ZNF385D: variants seen among roughly 807,000 people sequenced by gnomAD.
The protein encoded by ZNF385D is zinc finger protein 385D, also known as zinc finger protein 659.
ZNF385D carries 15 observed loss-of-function variants against 35.8 expected under a neutral mutation model. The ratio of observed to expected loss-of-function variants is 0.42; its 90% CI spans 0.28 to 0.64. The LOEUF is 0.64. ZNF385D is among the 30% of genes least tolerant of loss of function. The pLI, the probability that ZNF385D is intolerant of heterozygous loss-of-function variation, is 0.23. For missense variants in ZNF385D, 474 were observed against 494.6 expected (o/e 0.96, Z 0.39); for synonymous variants, 212 against 186.8 (o/e 1.13, Z -1.10).
chr3:21,892,208 T>A (rs181077976), intron 3 of ZNF385D, among the ~76,000 whole-genome samples: 12 of 152,160 alleles, frequency 7.9e-5, no homozygotes, highest in Non-Finnish European at 1.5e-4. Flanking sequence ...GATGGAAAAA[T>A]TTGAATATAT....
At chr3:22,108,283 G>A (rs186114501) in intron 3 of ZNF385D, among the ~76,000 whole-genome samples, 1 of 151,948 alleles carries the variant, frequency 6.6e-6, no homozygotes, top group African/African-American at 2.4e-5. Context: ...CACAATTTTG[G>A]TCAGAACATC....
chr3:21,454,234 T>C (rs1343632213), intron 4 of ZNF385D, among the ~76,000 whole-genome samples: 1 of 152,102 alleles, frequency 6.6e-6, no homozygotes, highest in Non-Finnish European at 1.5e-5. Flanking sequence ...AAGGTTTCTT[T>C]TCACAGTGCT....
chr3:21,842,976 T>C (rs1235218022), intron 3 of ZNF385D, among the ~76,000 whole-genome samples: 1 of 152,046 alleles, frequency 6.6e-6, no homozygotes, highest in Non-Finnish European at 1.5e-5. Context: ...GAATGCTTGG[T>C]CCTTATTTGA....
At chr3:22,191,550 A>C (rs1279328256) in intron 2 of ZNF385D, among the ~76,000 whole-genome samples, 1 of 152,138 alleles carries the variant, frequency 6.6e-6, no homozygotes, top group African/African-American at 2.4e-5. Flanking sequence ...TTACTAGAGC[A>C]TATTCTTCTT....
intron 3 of ZNF385D, among the ~76,000 whole-genome samples, chr3:21,999,556 C>G (rs2125411571): frequency 6.6e-6 from 1 of 152,194 alleles, no homozygotes; most frequent in South Asian, 2.1e-4. Context: ...TGAGAAGAAT[C>G]TATGGTCAGA....
intron 3 of ZNF385D, among the ~76,000 whole-genome samples, chr3:22,032,039 A>G (rs1231163840): frequency 6.6e-6 from 1 of 152,238 alleles, no homozygotes; most frequent in African/African-American, 2.4e-5. Context: ...AAGCATAGCA[A>G]GAGTGACCTT....
At chr3:22,290,717 T>A (rs556153981) in intron 2 of ZNF385D, among the ~76,000 whole-genome samples, 2 of 152,212 alleles carry the variant, frequency 1.3e-5, no homozygotes, top group South Asian at 4.1e-4. Context: ...CAAACAAAAA[T>A]CCAACGTGTA....
chr3:21,575,855 T>C (rs931190289), intron 2 of ZNF385D, among the ~76,000 whole-genome samples: 2 of 152,302 alleles, frequency 1.3e-5, no homozygotes, highest in South Asian at 2.1e-4. Flanking sequence ...TACCTGTCTG[T>C]TGAATTGCTA....
intron 1 of ZNF385D, among the ~76,000 whole-genome samples, chr3:21,709,584 G>A (rs1200435004): frequency 6.6e-6 from 1 of 152,138 alleles, no homozygotes; most frequent in Non-Finnish European, 1.5e-5. Context: ...CAATAGAAGT[G>A]ACTCTTGAAT....
intron 3 of ZNF385D, among the ~76,000 whole-genome samples, chr3:21,547,747 G>A (rs1290220287): frequency 6.6e-6 from 1 of 151,830 alleles, no homozygotes; most frequent in Non-Finnish European, 1.5e-5. Flanking sequence ...CTCCCGAGTA[G>A]CTGGGACTAC....
intron 4 of ZNF385D, among the ~76,000 whole-genome samples, chr3:21,463,242 A>G (rs1027902099): frequency 6.6e-6 from 1 of 152,136 alleles, no homozygotes; most frequent in African/African-American, 2.4e-5. Flanking sequence ...AGCATGAAAC[A>G]GATACTACAT....
chr3:21,600,823 G>C (rs747558712), intron 2 of ZNF385D, among the ~76,000 whole-genome samples: 3 of 151,620 alleles, frequency 2.0e-5, no homozygotes, highest in Non-Finnish European at 4.4e-5. Context: ...ATAAATATGA[G>C]AGTATATACA....
chr3:22,030,281 A>ATG (rs923191103), intron 3 of ZNF385D, among the ~76,000 whole-genome samples: 11 of 103,982 alleles, frequency 1.1e-4, no homozygotes, highest in African/African-American at 4.0e-4. Flanking sequence ...ATATATATAT[A>ATG]TATATATATA....
chr3:21,895,319 CTTT>C (rs34167369), intron 3 of ZNF385D, among the ~76,000 whole-genome samples: 3 of 62,698 alleles, frequency 4.8e-5, no homozygotes, highest in African/African-American at 1.3e-4. Context: ...AAATGTGTGG[CTTT>C]TTTTTTTTTT....
intron 3 of ZNF385D, among the ~76,000 whole-genome samples, chr3:21,885,837 G>T (rs983166971): frequency 6.6e-6 from 1 of 151,594 alleles, no homozygotes; most frequent in Non-Finnish European, 1.5e-5. Flanking sequence ...TGAAGGCTCT[G>T]TGAGTCTGAA....
chr3:22,112,515 A>T (rs1441059195), intron 3 of ZNF385D, among the ~76,000 whole-genome samples: 1 of 152,146 alleles, frequency 6.6e-6, no homozygotes, highest in Non-Finnish European at 1.5e-5. Flanking sequence ...TATATTTATC[A>T]ATTTATCAAT....
chr3:22,022,918 G>T lies in ZNF385D; in HGVS notation c.325+145899C>A, dbSNP rs188566874. On this transcript the variant is annotated intron_variant, in intron 3 of 5. Transcript: ENST00000494108. ...CTTATTTAGCACGGAAGGCAAATAT[G>T]GTTGGCCCTGTGGGGATCAGGGAAG... Among the ~76,000 whole-genome samples, 3 of 152,232 alleles carry T rather than the reference G, an allele frequency of 2.0e-5. No individual in the cohort carries two copies. The East Asian group carries it at 5.8e-4, about 29-fold the overall frequency.
At chr3:22,087,934 A>C (rs1164204428) in intron 3 of ZNF385D, among the ~76,000 whole-genome samples, 1 of 152,152 alleles carries the variant, frequency 6.6e-6, no homozygotes, top group Non-Finnish European at 1.5e-5. Context: ...CAACATTCTA[A>C]TTTTCTGCCA....
At chr3:21,921,955 CA>C (rs1266836530) in intron 3 of ZNF385D, among the ~76,000 whole-genome samples, 3 of 151,940 alleles carry the variant, frequency 2.0e-5, no homozygotes, top group South Asian at 4.2e-4. Flanking sequence ...GAAACTATTT[CA>C]AAAAATTGAG....
Sources: allele counts gnomAD v4.1 joint callset (sites outside exome capture counted in the v4.1 genomes callset), GRCh38; gene constraint gnomAD v4.1.1; transcripts MANE v1.5; gene names NCBI Gene and HGNC (gene_info 2026-07-23, HGNC 2026-07-21).